Variants in IMPG1 observed in about 807,000 individuals in gnomAD.
IMPG1 encodes the protein interphotoreceptor matrix proteoglycan 1.
Under a neutral mutation model 92.0 loss-of-function variants are expected in IMPG1, and 85 were observed. The observed-to-expected ratio is 0.92, with a 90% CI of 0.78 to 1.11. The LOEUF (loss-of-function observed/expected upper bound fraction) is 1.11, where lower values mean the gene tolerates loss of function less well. IMPG1 is among the 50% of genes least tolerant of loss of function. IMPG1 has a pLI of 0.00. For missense variants in IMPG1, 1,022 were observed against 956.0 expected, an observed-to-expected ratio of 1.07 and a Z score of -0.91; for synonymous variants, 367 against 334.1, an observed-to-expected ratio of 1.10 and a Z score of -1.08.
intron 1 of IMPG1, among the ~76,000 whole-genome samples, chr6:76,063,460 T>C (rs1385322650): frequency 6.6e-6 from 1 of 152,112 alleles, no homozygotes; most frequent in Non-Finnish European, 1.5e-5. Context: ...TTGTTTCTCC[T>C]TGCCCTGGTG....
chr6:76,059,982 G>C (rs1191146374), intron 1 of IMPG1, among the ~76,000 whole-genome samples: 1 of 152,140 alleles, frequency 6.6e-6, no homozygotes, highest in Non-Finnish European at 1.5e-5. Context: ...AGTTCTACAT[G>C]TGTTATTTTC....
intron 12 of IMPG1, among the ~76,000 whole-genome samples, chr6:75,964,092 G>C (rs925605262): frequency 6.6e-6 from 1 of 152,188 alleles, no homozygotes; most frequent in Admixed American, 6.5e-5. Context: ...GGGGAATCTA[G>C]AGGGCCACTT....
At chr6:76,048,944 A>T (rs1783990427) in intron 1 of IMPG1, among the ~76,000 whole-genome samples, 1 of 152,224 alleles carries the variant, frequency 6.6e-6, no homozygotes, top group Non-Finnish European at 1.5e-5. Context: ...ACATGGAATC[A>T]ACCTAAATGC....
At chr6:76,051,607 A>G (rs1157576649) in intron 1 of IMPG1, among the ~76,000 whole-genome samples, 1 of 152,238 alleles carries the variant, frequency 6.6e-6, no homozygotes, top group Admixed American at 6.5e-5. Context: ...ATTAGAAAGT[A>G]AACAGACTTT....
intron 14 of IMPG1, among the ~76,000 whole-genome samples, chr6:75,941,406 A>G (rs1781834654): frequency 6.6e-6 from 1 of 152,202 alleles, no homozygotes; most frequent in South Asian, 2.1e-4. Flanking sequence ...CATCCAGTAA[A>G]CAGAGACCAC....
chr6:75,953,467 T>C (rs145812621), intron 12 of IMPG1, among the ~76,000 whole-genome samples: 2 of 152,094 alleles, frequency 1.3e-5, no homozygotes, highest in African/African-American at 4.8e-5. Flanking sequence ...CCATGTGTTC[T>C]CATTGTTCAA....
chr6:75,954,810 C>T (rs1782090116), intron 12 of IMPG1, among the ~76,000 whole-genome samples: 1 of 152,020 alleles, frequency 6.6e-6, no homozygotes, highest in Admixed American at 6.6e-5. Context: ...AAAAGGGGTC[C>T]AGTTTCAGTC....
intron 1 of IMPG1, among the ~76,000 whole-genome samples, chr6:76,045,878 G>A (rs1783931669): frequency 6.6e-6 from 1 of 152,074 alleles, no homozygotes; most frequent in Admixed American, 6.6e-5. Flanking sequence ...TTTGAAAAGA[G>A]GAGGTGAAAA....
intron 12 of IMPG1, among the ~76,000 whole-genome samples, chr6:75,996,706 T>G (rs1431860784): frequency 6.6e-6 from 1 of 152,126 alleles, no homozygotes; most frequent in Non-Finnish European, 1.5e-5. Flanking sequence ...GACTGACATG[T>G]CAAGACAGGA....
intron 7 of IMPG1, among the ~76,000 whole-genome samples, chr6:76,013,215 A>G (rs892891260): frequency 6.6e-6 from 1 of 152,010 alleles, no homozygotes; most frequent in African/African-American, 2.4e-5. Flanking sequence ...GACCCATTGA[A>G]CAAGATCCAA....
chr6:75,943,205 C>A (rs1390939267), intron 14 of IMPG1, among the ~76,000 whole-genome samples: 1 of 152,078 alleles, frequency 6.6e-6, no homozygotes, highest in African/African-American at 2.4e-5. Flanking sequence ...GCCTCACCCC[C>A]CAATGGTAGC....
At chr6:76,070,494 T>C (rs181862763) in intron 1 of IMPG1, among the ~76,000 whole-genome samples, 1 of 152,180 alleles carries the variant, frequency 6.6e-6, no homozygotes, top group African/African-American at 2.4e-5. Context: ...TAAATCATTA[T>C]ATCAGAAAGA....
intron 1 of IMPG1, among the ~76,000 whole-genome samples, chr6:76,049,891 T>C (rs1582130314): frequency 6.6e-6 from 1 of 152,016 alleles, no homozygotes; most frequent in Non-Finnish European, 1.5e-5. Context: ...GTTGGGGAGG[T>C]TGGTGTTATT....
chr6:76,055,375 T>G (rs1352104291), intron 1 of IMPG1, among the ~76,000 whole-genome samples: 2 of 152,080 alleles, frequency 1.3e-5, no homozygotes, highest in African/African-American at 4.8e-5. Flanking sequence ...AAAATTACTA[T>G]GTAATAAAAC....
chr6:76,057,969 A>AAAAAT (rs142036504), intron 1 of IMPG1, among the ~76,000 whole-genome samples: 3,896 of 150,752 alleles, frequency 0.026, 145 homozygotes, highest in African/African-American at 0.087. Flanking sequence ...GTGCTTCAGT[A>AAAAAT]AAAATAAAAT....
rs372078270 is a variant in IMPG1 at position 75,970,083 on chromosome 6, T to C, written c.1292-18989A>G. Among the ~76,000 whole-genome samples, 16 of 152,296 alleles carry C rather than the reference T, an allele frequency of 1.1e-4. No homozygotes were observed. The East Asian group carries it at 3.1e-3, about 29-fold the overall frequency. ...ATAGAAGGATAGGATAATAAACTAT[T>C]ATTTATTTGGCACCTTTATGTTCTA... is the stretch of plus-strand genomic sequence containing the variant. On this transcript the variant is annotated intron_variant, in intron 12 of 16. Coordinates refer to ENST00000369950, the MANE Select transcript of IMPG1 (RefSeq NM_001563.4).
At chr6:75,957,062 G>T (rs1313102068) in intron 12 of IMPG1, among the ~76,000 whole-genome samples, 1 of 152,170 alleles carries the variant, frequency 6.6e-6, no homozygotes, top group Admixed American at 6.5e-5. Context: ...TGAGATTACA[G>T]GAGCTGGACA....
chr6:76,036,469 GTTTAGT>G (rs1262952187), intron 2 of IMPG1, among the ~76,000 whole-genome samples: 2 of 152,106 alleles, frequency 1.3e-5, no homozygotes, highest in African/African-American at 4.8e-5. Context: ...AACTATATGT[GTTTAGT>G]TTTAATTGAT....
At chr6:76,056,050 C>T (rs113285466) in intron 1 of IMPG1, among the ~76,000 whole-genome samples, 27 of 151,544 alleles carry the variant, frequency 1.8e-4, no homozygotes, top group East Asian at 3.9e-4. Context: ...ATTTATGGTC[C>T]GAGCTTGCTT....
Sources: gnomAD v4.1 joint callset for allele counts (sites outside exome capture counted in the v4.1 genomes callset) on GRCh38, gnomAD v4.1.1 for gene constraint, MANE v1.5 for transcripts, NCBI Gene and HGNC (gene_info 2026-07-23, HGNC 2026-07-21) for gene names.